Variants in VPS4A observed in about 807,000 individuals in gnomAD.
VPS4A encodes vacuolar protein sorting 4 homolog A, also known as vacuolar protein sorting-associated protein 4A.
In VPS4A, 20 loss-of-function variants were observed where a neutral mutation model predicts 52.3. That is an observed-to-expected ratio of 0.38 (90% confidence interval 0.27 to 0.56). The LOEUF (loss-of-function observed/expected upper bound fraction) is 0.56, where lower values mean the gene tolerates loss of function less well. Ranked by LOEUF, VPS4A falls within the 20% of genes least tolerant of loss-of-function variation. The pLI, the probability that VPS4A is intolerant of heterozygous loss-of-function variation, is 0.72. For synonymous variants in VPS4A, 293 were observed against 227.7 expected (o/e 1.29, Z -2.58); for missense variants, 419 against 575.9 (o/e 0.73, Z 2.79).
In VPS4A at chr16:69,321,536, A is replaced by G; in HGVS notation, c.1071+266A>G. On this transcript the variant is annotated intron_variant, in intron 9 of 10. Coordinates refer to ENST00000254950, the MANE Select transcript of VPS4A (RefSeq NM_013245.3). This position sits in a 1 kb window ranked among gnomAD's most constrained non-coding sequence, Gnocchi z 4.5. ...TAACCCTGCTGCGGCCTCCTCCGTCAGCACTGTGTGCTCTTGTGCGGGGTG... is the reference window on the plus strand; with the variant it reads ...TAACCCTGCTGCGGCCTCCTCCGTCGGCACTGTGTGCTCTTGTGCGGGGTG... 1 of 510,164 alleles carries G rather than the reference A, an allele frequency of 2.0e-6. No individual in the cohort carries two copies. Among genetic ancestry groups the G allele is most frequent in the Non-Finnish European group, 3.6e-6 (1 of 280,882 alleles). 31.6% of individuals were successfully genotyped at this position (510,164 alleles called of 1,614,324 possible). A position where few individuals can be genotyped will look rare whatever the true frequency, so the allele number is the denominator to read the frequency against.
Position 69,318,712 on chromosome 16 carries a change from G to GC in VPS4A, c.343+1_343+2insC. The GC allele has an allele frequency of 6.2e-7, 1 of 1,613,802 alleles. No individual in the cohort carries two copies. Among genetic ancestry groups the GC allele is most frequent in the Non-Finnish European group, 8.5e-7 (1 of 1,179,824 alleles). ...AAGAAACTGCAAGAACAGCTGATGG[G>GC]TAAGTGGCTCGCGGCCCTGTGGCAG... On this transcript the variant is annotated splice_donor_variant, in intron 4 of 10. Transcript: ENST00000254950. LOFTEE classifies it high-confidence loss of function.
In VPS4A at chr16:69,326,174, C is replaced by G. The variant is rs1332320804; in HGVS notation, c.*1865C>G. 6.6e-6 allele frequency: 1 copy of G among 152,294 alleles called. No individual in the cohort carries two copies. Among genetic ancestry groups the G allele is most frequent in the East Asian group, 1.9e-4 (1 of 5,204 alleles). The allele number at this position is 152,294 out of a possible 1,614,324, so 9.4% of individuals were successfully genotyped here. A position where few individuals can be genotyped will look rare whatever the true frequency, so the allele number is the denominator to read the frequency against. On this transcript the variant is annotated 3_prime_UTR_variant, in exon 11 of 11. Coordinates refer to ENST00000254950, the MANE Select transcript of VPS4A (RefSeq NM_013245.3). The stretch of plus-strand genomic sequence containing the variant: ...CCTCTACCTTTCAAACCTGGTTGGG[C>G]CAGAACTGATTACATGGCCAACTCT...
intron 6 of VPS4A, 145 bp from the exon 7 acceptor site, chr16:69,319,996 G>A: frequency 1.8e-6 from 2 of 1,110,568 alleles, no homozygotes; most frequent in Non-Finnish European, 2.5e-6. Context: ...TGGCCCGAGG[G>A]CTCCTCACCA....
Position 69,320,837 on chromosome 16 carries a change from C to T in VPS4A, c.851+68C>T. The T allele has an allele frequency of 6.7e-7, 1 of 1,492,620 alleles. No homozygotes were observed. The highest frequency in any genetic ancestry group is 9.1e-7 in the Non-Finnish European group (1 of 1,094,502). 92.5% of individuals were successfully genotyped at this position (1,492,620 alleles called of 1,614,324 possible). On this transcript the variant is annotated intron_variant, in intron 8 of 10. Coordinates refer to ENST00000254950, the MANE Select transcript of VPS4A (RefSeq NM_013245.3). This position sits in a 1 kb window ranked among gnomAD's most constrained non-coding sequence, Gnocchi z 4.2. Reference sequence around the variant, plus strand: ...CACCATGGTCACGGTCCGCCTGCTGCTGGCAGCCCGGGTGCAGCCTGGCCC... The same window carrying T: ...CACCATGGTCACGGTCCGCCTGCTGTTGGCAGCCCGGGTGCAGCCTGGCCC...
chr16:69,321,414 C>T lies in VPS4A; in HGVS notation c.1071+144C>T. 2.3e-6 allele frequency: 2 copies of T among 865,784 alleles called. No individual in the cohort carries two copies. The highest frequency in any genetic ancestry group is 3.5e-5 in the South Asian group (2 of 57,820). The allele number at this position is 865,784 out of a possible 1,614,324, so 53.6% of individuals were successfully genotyped here. A position where few individuals can be genotyped will look rare whatever the true frequency, so the allele number is the denominator to read the frequency against. ...CTCCTGGAGAGCCGAGGGCCAGTGC[C>T]ATGGGGGCTGCACCCACTGTCCCCT... On this transcript the variant is annotated intron_variant, in intron 9 of 10. Coordinates refer to ENST00000254950, the MANE Select transcript of VPS4A (RefSeq NM_013245.3). The surrounding 1 kb of genome is among the most constrained non-coding windows in gnomAD (Gnocchi z 4.5).
Position 69,319,438 on chromosome 16 carries a change from G to A in VPS4A, c.515G>A (p.Gly172Glu), listed in dbSNP as rs745531182. 1 of 1,613,924 alleles carries A rather than the reference G, an allele frequency of 6.2e-7. No homozygotes were observed. The change falls in exon 6 of 11, where the codon GGG (glycine) becomes GAG (glutamate). Residue 172 changes from glycine to glutamate, a missense_variant. Transcript: ENST00000254950. ...CTGCTGTTCGGACCCCCTGGCACAG[G>A]GAAATCCTACCTGGCCAAAGCCGTG... The part of the protein sequence containing the change: ...GILLFGPPGT[G>E]KSYLAKAVAT...
Position 69,324,528 on chromosome 16 carries a change from C to A in VPS4A, c.*219C>A. ...CACACAGTGGACACTGCTCTTCCTA[C>A]TTCCTCCTCTCCTGGATGCTCATCA... On this transcript the variant is annotated 3_prime_UTR_variant, in exon 11 of 11. Transcript: ENST00000254950. 1.8e-6 allele frequency: 1 copy of A among 557,154 alleles called. No homozygotes were observed. The highest frequency in any genetic ancestry group is 3.0e-5 in the East Asian group (1 of 33,556). The allele number at this position is 557,154 out of a possible 1,614,324, so 34.5% of individuals were successfully genotyped here. A position where few individuals can be genotyped will look rare whatever the true frequency, so the allele number is the denominator to read the frequency against.
intron 1 of VPS4A, among the ~76,000 whole-genome samples, chr16:69,312,676 G>T (rs1028490038): frequency 1.2e-4 from 18 of 151,876 alleles, no homozygotes; most frequent in African/African-American, 4.3e-4. Flanking sequence ...GCAGTGGTGT[G>T]ATCTTGGCTC....
In VPS4A at chr16:69,312,705, C is replaced by A. The variant is rs893932726; in HGVS notation, c.21+1173C>A. Among the ~76,000 whole-genome samples, 10 of 152,086 alleles carry A rather than the reference C, an allele frequency of 6.6e-5. 1 individual carries two copies. The highest frequency in any genetic ancestry group is 6.2e-4 in the South Asian group (3 of 4,820). On this transcript the variant is annotated intron_variant, in intron 1 of 10. Transcript: ENST00000254950. ...TTGGCTCACTGCAGCCTCTGCCTCTCAGGTTCAAGCGATTCTCCTGCCTCA... is the reference window on the plus strand; with the variant it reads ...TTGGCTCACTGCAGCCTCTGCCTCTAAGGTTCAAGCGATTCTCCTGCCTCA...
At chr16:69,313,323 G>C (rs1038601644) in intron 1 of VPS4A, among the ~76,000 whole-genome samples, 6 of 152,146 alleles carry the variant, frequency 3.9e-5, no homozygotes, top group Non-Finnish European at 8.8e-5. Context: ...AGTGCTTTTA[G>C]TATATTCATG....
At chr16:69,311,602 G>C in intron 1 of VPS4A, 70 bp downstream of exon 1, 2 of 1,228,190 alleles carry the variant, frequency 1.6e-6, no homozygotes, top group African/African-American at 1.6e-5. Context: ...AGAGCCGGGC[G>C]GCGGGCGGGT....
chr16:69,326,698 G>A lies in VPS4A; in HGVS notation c.*2389G>A, dbSNP rs970686083. ...TGCCAGCACACAACCTGCCATCATC[G>A]ATGTTAAACATGCTGACATGTGCAG... On this transcript the variant is annotated 3_prime_UTR_variant, in exon 11 of 11. Coordinates refer to ENST00000254950, the MANE Select transcript of VPS4A (RefSeq NM_013245.3). 8 of 152,184 alleles carry A rather than the reference G, an allele frequency of 5.3e-5. No homozygotes were observed. The highest frequency in any genetic ancestry group is 1.0e-4 in the Non-Finnish European group (7 of 68,038). 9.4% of individuals were successfully genotyped at this position (152,184 alleles called of 1,614,324 possible). A position where few individuals can be genotyped will look rare whatever the true frequency, so the allele number is the denominator to read the frequency against.
intron 3 of VPS4A, among the ~76,000 whole-genome samples, chr16:69,318,427 CAG>C (rs1403350118): frequency 6.6e-6 from 1 of 152,256 alleles, no homozygotes; most frequent in Non-Finnish European, 1.5e-5. Flanking sequence ...CGCGAAGAAA[CAG>C]GGCGGGTTAT....
chr16:69,317,673 G>A (rs1362659067), intron 3 of VPS4A, among the ~76,000 whole-genome samples: 3 of 152,090 alleles, frequency 2.0e-5, no homozygotes, highest in Non-Finnish European at 4.4e-5. Context: ...GGCACCTGTA[G>A]TCCCAGCTAC....
Position 69,316,235 on chromosome 16 carries a change from C to A in VPS4A, c.144C>A (p.His48Gln). ...YFLHAIKYEA[H>Q]SDKAKESIRA... ...TGTTCCCTTTCACAGATGAGGCCCA[C>A]AGCGACAAGGCCAAGGAGAGCATTC... The change falls in exon 3 of 11, where the codon CAC (histidine) becomes CAA (glutamine). Residue 48 changes from histidine (H) to glutamine (Q), a missense_variant. Physicochemically the swap from His to Gln is conservative, Grantham distance 24. Around this residue, in one of 3 missense-constraint regions of VPS4A, gnomAD observed 131 missense variants for 165.4 expected, o/e 0.79. Coordinates refer to ENST00000254950, the MANE Select transcript of VPS4A (RefSeq NM_013245.3). 1 of 1,613,552 alleles carries A rather than the reference C, an allele frequency of 6.2e-7. No individual in the cohort carries two copies. Among genetic ancestry groups the A allele is most frequent in the African/African-American group, 1.3e-5 (1 of 75,042 alleles).
intron 3 of VPS4A, among the ~76,000 whole-genome samples, chr16:69,317,929 C>T (rs185896577): frequency 7.5e-5 from 11 of 145,770 alleles, no homozygotes; most frequent in East Asian, 2.0e-4. Flanking sequence ...ATTGTGCCAT[C>T]GCACTCCAAC....
rs761322496 is a variant in VPS4A, at chr16:69,320,783, A to C, written c.851+14A>C. ...CATCAGGAGGAGGTGAGTCTTCCCC[A>C]GGAGAAGCCAGGGCTGGAGGCTTCC... On this transcript the variant is annotated intron_variant, in intron 8 of 10. Transcript: ENST00000254950. The surrounding 1 kb of genome is among the most constrained non-coding windows in gnomAD (Gnocchi z 4.2). 1 of 1,593,356 alleles carries C rather than the reference A, an allele frequency of 6.3e-7. No homozygotes were observed.
Position 69,314,956 on chromosome 16 carries a change from C to T in VPS4A, c.22-1052C>T, listed in dbSNP as rs185781300. Among the ~76,000 whole-genome samples, 19 of 151,966 alleles carry T rather than the reference C, an allele frequency of 1.3e-4. No individual in the cohort carries two copies. The East Asian group carries it at 2.7e-3, about 22-fold the overall frequency. On this transcript the variant is annotated intron_variant, in intron 1 of 10. Transcript: ENST00000254950. ...AAAACCATGTAGGTGCTTTACTGACCGGTCGCGGTGGCTCATTTCTGTAAT... is the reference window on the plus strand; with the variant it reads ...AAAACCATGTAGGTGCTTTACTGACTGGTCGCGGTGGCTCATTTCTGTAAT...
chr16:69,313,273 C>G (rs1476695343), intron 1 of VPS4A, among the ~76,000 whole-genome samples: 1 of 152,134 alleles, frequency 6.6e-6, no homozygotes, highest in African/African-American at 2.4e-5. Flanking sequence ...ATGTGAGCCA[C>G]TGTGCCCAGC....
Sources: allele counts gnomAD v4.1 joint callset (sites outside exome capture counted in the v4.1 genomes callset), GRCh38; gene constraint gnomAD v4.1.1; regional missense constraint gnomAD v4.1.1; non-coding constraint Gnocchi (gnomAD v3.1); transcripts MANE v1.5; gene names NCBI Gene and HGNC (gene_info 2026-07-23, HGNC 2026-07-21).